The following ZNF581 variants were observed in gnomAD, a reference collection of about 807,000 sequenced individuals.
ZNF581 encodes the protein zinc finger protein 581.
Under a neutral mutation model 1.2 loss-of-function variants are expected in ZNF581, and 1 was observed. The observed-to-expected ratio is 0.83, with a 90% CI of 0.30 to 3.95. The LOEUF is 3.95. ZNF581 is among the 30% of genes most tolerant of loss of function. The pLI, the probability that ZNF581 is intolerant of heterozygous loss-of-function variation, is 0.18. For missense variants in ZNF581, 273 were observed against 274.6 expected (o/e 0.99, Z 0.04); for synonymous variants, 105 against 109.2 (o/e 0.96, Z 0.24).
At position 55,645,109 on chromosome 19, in the gene ZNF581, C is replaced by G. The variant is rs778131710; in HGVS notation, c.538C>G (p.Arg180Gly). 1.4e-5 allele frequency: 22 copies of G among 1,540,832 alleles called. No individual in the cohort carries two copies. The highest frequency in any genetic ancestry group is 1.8e-5 in the Non-Finnish European group (20 of 1,139,814). ...ERPFQCPHCP[R>G]RFMEQNTLQK... ...CCCGTTTCAGTGTCCACACTGCCCT[C>G]GCCGCTTTATGGAGCAGAACACACT... Residue 180 changes from arginine (R) to glycine (G), a missense_variant, in exon 2 of 2, where the codon CGC becomes GGC. Transcript: ENST00000270451.
rs147370328 is a variant in ZNF581 at position 55,644,988 on chromosome 19, G to C, written c.417G>C (p.Ala139=). 16 of 1,605,000 alleles carry C rather than the reference G, an allele frequency of 1.0e-5. No individual in the cohort carries two copies. In the Admixed American group the frequency reaches 2.0e-4, roughly 20 times the overall value. Residue 139 remains alanine (A), a synonymous_variant, in exon 2 of 2, where the codon GCG becomes GCC. Transcript: ENST00000270451. The surrounding 1 kb of genome is among the most constrained non-coding windows in gnomAD (Gnocchi z 4.3). ...HLARHHSIHL[A]GGGRPHGCPL... The stretch of plus-strand genomic sequence containing the variant: ...CACGGCACCATTCCATTCACCTGGC[G>C]GGTGGTGGGCGGCCCCACGGCTGCC...
At chr19:55,642,951 C>T (rs1011418789), upstream of ZNF581, 9 of 1,427,962 alleles carry the variant, frequency 6.3e-6, no homozygotes, top group African/African-American at 6.0e-5. Context: ...CGCGCCGGGC[C>T]GCCGCACACC....
At chr19:55,641,042 G>A (rs1406911284), upstream of ZNF581, 4 of 984,862 alleles carry the variant, frequency 4.1e-6, no homozygotes, top group Non-Finnish European at 4.8e-6. Context: ...GCACCCCCGC[G>A]CCCCCAGTCC....
At chr19:55,643,275 C>A, upstream of ZNF581, 1 of 491,702 alleles carries the variant, frequency 2.0e-6, no homozygotes, top group Non-Finnish European at 3.4e-6. Context: ...GGTTCCAGTC[C>A]AGCTGTGCTG....
At chr19:55,643,623 G>C (rs1159328337), upstream of ZNF581, 1 of 152,390 alleles carries the variant, frequency 6.6e-6, no homozygotes, top group African/African-American at 2.4e-5. Flanking sequence ...TCCTTCCCTA[G>C]ACCCTCTTCT....
chr19:55,637,767 C>T (rs1338286536), upstream of ZNF581, among the ~76,000 whole-genome samples: 1 of 152,180 alleles, frequency 6.6e-6, no homozygotes, highest in Non-Finnish European at 1.5e-5. Context: ...TGTGTGACCT[C>T]AGGCCAATCA....
intron 1 of ZNF581, chr19:55,635,736 A>G (rs1371883492): frequency 3.0e-6 from 3 of 988,006 alleles, no homozygotes; most frequent in African/African-American, 3.5e-5. Flanking sequence ...AAGGGTGGGA[A>G]AGGTGGCTGA....
At position 55,644,152 on chromosome 19, in the gene ZNF581, G is replaced by A. The variant is rs939025221; in HGVS notation, c.-20+378G>A. Among the ~76,000 whole-genome samples, 1 of 152,076 alleles carries A rather than the reference G, an allele frequency of 6.6e-6. No individual in the cohort carries two copies. The highest frequency in any genetic ancestry group is 2.1e-4 in the South Asian group (1 of 4,826). On this transcript the variant is annotated intron_variant, in intron 1 of 1. Transcript: ENST00000270451. The surrounding 1 kb of genome is among the most constrained non-coding windows in gnomAD (Gnocchi z 4.3). ...GCTTGTATGGAGGGGGTCAGGAAAGGCTTGAGTATGTAGCATAGGCCAACA... is the reference window on the plus strand; with the variant it reads ...GCTTGTATGGAGGGGGTCAGGAAAGACTTGAGTATGTAGCATAGGCCAACA...
chr19:55,644,446 A>T lies in ZNF581; in HGVS notation c.-19-107A>T, dbSNP rs1982728559. ...TGGAAAAGAGGGACTGAGGGGCAGC[A>T]GGATGCAGAGGTCCTGGGCCGGGTA... On this transcript the variant is annotated intron_variant, in intron 1 of 1. Coordinates refer to ENST00000270451, the MANE Select transcript of ZNF581 (RefSeq NM_016535.4). The surrounding 1 kb of genome is among the most constrained non-coding windows in gnomAD (Gnocchi z 4.3). 1.5e-6 allele frequency: 1 copy of T among 686,132 alleles called. No homozygotes were observed. Among genetic ancestry groups the T allele is most frequent in the African/African-American group, 1.8e-5 (1 of 55,426 alleles). The allele number at this position is 686,132 out of a possible 1,614,324, so 42.5% of individuals were successfully genotyped here. A position where few individuals can be genotyped will look rare whatever the true frequency, so the allele number is the denominator to read the frequency against.
upstream of ZNF581, chr19:55,643,416 A>AC (rs1290132985): frequency 4.6e-6 from 1 of 219,338 alleles, no homozygotes. Flanking sequence ...TTCTGTATCT[A>AC]CCCCCCTTCC....
chr19:55,640,252 C>G (rs1313479314), upstream of ZNF581: 1 of 985,364 alleles, frequency 1.0e-6, no homozygotes, highest in East Asian at 1.1e-4. Context: ...GCAGCGCCAC[C>G]GCGCGTTGCT....
At position 55,644,430 on chromosome 19, in the gene ZNF581, G is replaced by T; in HGVS notation, c.-19-123G>T. The T allele has an allele frequency of 1.5e-6, 1 of 646,070 alleles. No homozygotes were observed. Among genetic ancestry groups the T allele is most frequent in the Non-Finnish European group, 2.6e-6 (1 of 379,474 alleles). The allele number at this position is 646,070 out of a possible 1,614,324, so 40.0% of individuals were successfully genotyped here. A position where few individuals can be genotyped will look rare whatever the true frequency, so the allele number is the denominator to read the frequency against. On this transcript the variant is annotated intron_variant, in intron 1 of 1. Coordinates refer to ENST00000270451, the MANE Select transcript of ZNF581 (RefSeq NM_016535.4). The surrounding 1 kb of genome is among the most constrained non-coding windows in gnomAD (Gnocchi z 4.3). ...CAGCTGTGAGCGGGACTGGAAAAGA[G>T]GGACTGAGGGGCAGCAGGATGCAGA... is the stretch of plus-strand genomic sequence containing the variant.
chr19:55,642,276 T>C, upstream of ZNF581: 2 of 1,241,924 alleles, frequency 1.6e-6, no homozygotes, highest in Non-Finnish European at 2.0e-6. Flanking sequence ...GAGTGGCAGG[T>C]GGTGGCGGGG....
At chr19:55,643,058 G>C, upstream of ZNF581, 1 of 1,340,870 alleles carries the variant, frequency 7.5e-7, no homozygotes, top group Non-Finnish European at 9.6e-7. Flanking sequence ...TGCCCTGCCC[G>C]TCTCAGGGCC....
upstream of ZNF581, chr19:55,642,027 G>T (rs546668222): frequency 1.0e-6 from 1 of 964,272 alleles, no homozygotes; most frequent in East Asian, 1.3e-4. Context: ...CGGTGGGGGG[G>T]TAGGGGGCGG....
At chr19:55,639,430 AGAGT>A (rs1401563677), upstream of ZNF581, among the ~76,000 whole-genome samples, 10 of 152,226 alleles carry the variant, frequency 6.6e-5, no homozygotes, top group Admixed American at 6.5e-5. Context: ...CGTGGGCGAC[AGAGT>A]GAGACTCTGT....
upstream of ZNF581, chr19:55,643,090 G>A (rs759138575): frequency 7.4e-5 from 99 of 1,332,258 alleles, no homozygotes; most frequent in Admixed American, 1.7e-4. Flanking sequence ...CCCACACAGC[G>A]TCACTCACTC....
At chr19:55,641,313 C>G, upstream of ZNF581, 3 of 603,506 alleles carry the variant, frequency 5.0e-6, no homozygotes, top group Non-Finnish European at 6.2e-6. Flanking sequence ...GGCGGAGGGA[C>G]GGGAGGGGAA....
At position 55,644,353 on chromosome 19, in the gene ZNF581, G is replaced by C. The variant is rs1982723259; in HGVS notation, c.-19-200G>C. On this transcript the variant is annotated intron_variant, in intron 1 of 1. Transcript: ENST00000270451. The surrounding 1 kb of genome is among the most constrained non-coding windows in gnomAD (Gnocchi z 4.3). Reference sequence around the variant, plus strand: ...GTATGGTGGAGCACCGAGGCTAGGAGAGGTTTTCCAAGGAGGAAGACCCTG... The same window carrying C: ...GTATGGTGGAGCACCGAGGCTAGGACAGGTTTTCCAAGGAGGAAGACCCTG... Among the ~76,000 whole-genome samples, 2 of 152,262 alleles carry C rather than the reference G, an allele frequency of 1.3e-5. No individual in the cohort carries two copies. The highest frequency in any genetic ancestry group is 4.8e-5 in the African/African-American group (2 of 41,548).
Sources: gnomAD v4.1 joint callset for allele counts (sites outside exome capture counted in the v4.1 genomes callset) on GRCh38, gnomAD v4.1.1 for gene constraint, Gnocchi (gnomAD v3.1) non-coding constraint, MANE v1.5 for transcripts, NCBI Gene and HGNC (gene_info 2026-07-23, HGNC 2026-07-21) for gene names.